The following MAGI3 variants were observed in gnomAD, a reference collection of about 807,000 sequenced individuals.
The protein encoded by MAGI3 is membrane-associated guanylate kinase, WW and PDZ domain-containing protein 3.
MAGI3 carries 43 observed loss-of-function variants against 121.8 expected under a neutral mutation model. The observed-to-expected ratio is 0.35, with a 90% CI of 0.28 to 0.46. MAGI3 has a LOEUF of 0.46. Among genes scored for constraint, MAGI3 ranks in the 20% least tolerant of loss-of-function variants. The pLI, the probability that MAGI3 is intolerant of heterozygous loss-of-function variation, is 1.00. For synonymous variants in MAGI3, 553 were observed against 639.3 expected (o/e 0.86, Z 2.04); for missense variants, 1,547 against 1,797.3 (o/e 0.86, Z 2.52).
At chr1:113,429,240 G>A (rs1310832270) in intron 1 of MAGI3, among the ~76,000 whole-genome samples, 2 of 152,194 alleles carry the variant, frequency 1.3e-5, no homozygotes, top group Non-Finnish European at 2.9e-5. Context: ...ATTGTTAGCT[G>A]CATACGTGAC....
intron 1 of MAGI3, among the ~76,000 whole-genome samples, chr1:113,477,305 C>T (rs1360581681): frequency 1.3e-5 from 2 of 152,112 alleles, no homozygotes; most frequent in East Asian, 1.9e-4. Flanking sequence ...TTAATTGATG[C>T]AGTTTCTTTA....
At chr1:113,471,322 T>C (rs1190871094) in intron 1 of MAGI3, among the ~76,000 whole-genome samples, 18 of 151,992 alleles carry the variant, frequency 1.2e-4, no homozygotes, top group African/African-American at 2.4e-5. Context: ...AGGAAGAAAA[T>C]TGAAAAACTC....
At chr1:113,637,922 T>C (rs1047057337) in intron 9 of MAGI3, among the ~76,000 whole-genome samples, 6 of 152,106 alleles carry the variant, frequency 3.9e-5, no homozygotes, top group Non-Finnish European at 4.4e-5. Context: ...GGAGGCTTTG[T>C]TCATTTCTTT....
intron 1 of MAGI3, among the ~76,000 whole-genome samples, chr1:113,397,817 T>C (rs546173482): frequency 6.6e-6 from 1 of 152,338 alleles, no homozygotes; most frequent in African/African-American, 2.4e-5. Context: ...TATTTAACCC[T>C]TAATGTACCA....
At chr1:113,478,298 G>A (rs1655947676) in intron 1 of MAGI3, among the ~76,000 whole-genome samples, 1 of 152,156 alleles carries the variant, frequency 6.6e-6, no homozygotes, top group African/African-American at 2.4e-5. Flanking sequence ...AACCTTTGGA[G>A]GAGATGAGGT....
rs528749399 is a variant in MAGI3 at position 113,609,341 on chromosome 1, A to G, written c.1019-5260A>G. On this transcript the variant is annotated intron_variant, in intron 6 of 20. Transcript: ENST00000307546. ...GCTGAACATTTAAGATCTTCTAGAA[A>G]GACCTTACAGTTTCTAAAACATGCC... 5.9e-5 allele frequency among the ~76,000 whole-genome samples: 9 copies of G among 152,354 alleles called. No homozygotes were observed. In the South Asian group the frequency reaches 1.7e-3, roughly 28 times the overall value.
intron 5 of MAGI3, among the ~76,000 whole-genome samples, chr1:113,592,940 A>G: frequency 6.6e-6 from 1 of 152,156 alleles, no homozygotes; most frequent in East Asian, 1.9e-4. Context: ...TGAACCTGAG[A>G]GGTGGAGCTT....
At chr1:113,455,223 C>T (rs1052293219) in intron 1 of MAGI3, among the ~76,000 whole-genome samples, 11 of 151,786 alleles carry the variant, frequency 7.2e-5, no homozygotes, top group South Asian at 2.1e-4. Flanking sequence ...AGAAAAAGAA[C>T]GGGGGAAATC....
intron 1 of MAGI3, among the ~76,000 whole-genome samples, chr1:113,486,458 T>C (rs917118998): frequency 2.6e-5 from 4 of 152,188 alleles, no homozygotes; most frequent in African/African-American, 9.6e-5. Context: ...AGTTTGTTTG[T>C]TTGTTTGTTT....
intron 1 of MAGI3, among the ~76,000 whole-genome samples, chr1:113,508,350 G>C (rs557464677): frequency 6.6e-6 from 1 of 152,128 alleles, no homozygotes; most frequent in African/African-American, 2.4e-5. Flanking sequence ...TCAAGTTTCC[G>C]TACAGAGATT....
intron 6 of MAGI3, among the ~76,000 whole-genome samples, chr1:113,607,787 C>T (rs1033709202): frequency 3.9e-5 from 6 of 152,098 alleles, no homozygotes; most frequent in African/African-American, 1.4e-4. Flanking sequence ...TCTATCTCTC[C>T]CTTGCTGTCC....
intron 16 of MAGI3, among the ~76,000 whole-genome samples, chr1:113,665,359 T>C (rs1240956718): frequency 6.6e-6 from 1 of 152,090 alleles, no homozygotes; most frequent in Non-Finnish European, 1.5e-5. Flanking sequence ...CTTGGGCTGA[T>C]GATATGTGTG....
chr1:113,424,010 G>T (rs1404864002), intron 1 of MAGI3, among the ~76,000 whole-genome samples: 1 of 152,140 alleles, frequency 6.6e-6, no homozygotes, highest in Non-Finnish European at 1.5e-5. Flanking sequence ...CTGAGCCCAC[G>T]GGGGCAGGGG....
chr1:113,510,458 ATC>A (rs1346247048), intron 1 of MAGI3, among the ~76,000 whole-genome samples: 7 of 151,276 alleles, frequency 4.6e-5, no homozygotes, highest in Non-Finnish European at 8.8e-5. Flanking sequence ...AGCACCAAAT[ATC>A]TGTTTGGTCT....
chr1:113,530,927 A>T (rs1014311624), intron 1 of MAGI3, among the ~76,000 whole-genome samples: 1 of 152,194 alleles, frequency 6.6e-6, no homozygotes, highest in Non-Finnish European at 1.5e-5. Flanking sequence ...AAAAAAGAAA[A>T]GGAAAGGAAA....
At chr1:113,647,412 A>ATTT (rs1652912891) in intron 12 of MAGI3, among the ~76,000 whole-genome samples, 1 of 152,190 alleles carries the variant, frequency 6.6e-6, no homozygotes, top group Non-Finnish European at 1.5e-5. Flanking sequence ...TGAAGGATGA[A>ATTT]TCAGAGGTGT....
At chr1:113,512,167 G>T (rs570481379) in intron 1 of MAGI3, among the ~76,000 whole-genome samples, 1 of 152,260 alleles carries the variant, frequency 6.6e-6, no homozygotes, top group East Asian at 1.9e-4. Context: ...ATATTTGCAG[G>T]ACTACGGGAG....
intron 16 of MAGI3, among the ~76,000 whole-genome samples, chr1:113,669,389 A>AGAACATTGT (rs1469019879): frequency 6.6e-6 from 1 of 152,192 alleles, no homozygotes. Context: ...AAATGCTGTG[A>AGAACATTGT]GAACATTGTG....
chr1:113,492,352 A>G (rs1337811595), intron 1 of MAGI3, among the ~76,000 whole-genome samples: 7 of 152,232 alleles, frequency 4.6e-5, no homozygotes, highest in African/African-American at 1.7e-4. Context: ...TAAACTAGGT[A>G]TCAAAGGAAC....
Sources: allele counts gnomAD v4.1 joint callset (sites outside exome capture counted in the v4.1 genomes callset), GRCh38; gene constraint gnomAD v4.1.1; transcripts MANE v1.5; gene names NCBI Gene and HGNC (gene_info 2026-07-23, HGNC 2026-07-21).